Variants in ARMC2 observed in about 807,000 individuals in gnomAD.
ARMC2 encodes armadillo repeat-containing protein 2.
A neutral mutation model predicts 90.3 loss-of-function variants in ARMC2; 67 were observed. The observed-to-expected ratio is 0.74, with a 90% CI of 0.61 to 0.91. The LOEUF (loss-of-function observed/expected upper bound fraction) is 0.91. ARMC2 is among the 40% of genes least tolerant of loss of function. The probability of loss-of-function intolerance (pLI) is 0.00; values close to 1 mark genes in which losing one functional copy is unlikely to be tolerated. For synonymous variants in ARMC2, 393 were observed against 393.0 expected (o/e 1.00, Z 0.00); for missense variants, 920 against 1,030.9 (o/e 0.89, Z 1.47).
At chr6:108,903,682 C>T (rs1772382556) in intron 7 of ARMC2, among the ~76,000 whole-genome samples, 1 of 152,150 alleles carries the variant, frequency 6.6e-6, no homozygotes, top group Non-Finnish European at 1.5e-5. Flanking sequence ...TCATATAACA[C>T]AACACACACA....
chr6:108,922,254 C>T (rs1219102716), intron 10 of ARMC2, among the ~76,000 whole-genome samples: 14 of 151,996 alleles, frequency 9.2e-5, no homozygotes, highest in East Asian at 3.9e-4. Context: ...GATCCAAGTC[C>T]GGAGGGCCCC....
the ARMC2 span, chr6:108,986,841 T>C: frequency 6.6e-6 from 1 of 152,240 alleles, no homozygotes; most frequent in Non-Finnish European, 1.5e-5. Context: ...TTACACACTT[T>C]CATTTAGGAT....
At position 108,854,395 on chromosome 6, in the gene ARMC2, A is replaced by G; in HGVS notation, c.128A>G (p.Gln43Arg). 1 of 1,613,448 alleles carries G rather than the reference A, an allele frequency of 6.2e-7. No individual in the cohort carries two copies. The change falls in exon 2 of 18, where the codon CAA becomes CGA. Residue 43 changes from glutamine to arginine, a missense_variant. Coordinates refer to ENST00000392644, the MANE Select transcript of ARMC2 (RefSeq NM_032131.6). The part of the protein sequence containing the change: ...ARNALRTVRT[Q>R]RPFTPQEAQR... ...AATGCATTAAGAACAGTTAGAACCC[A>G]AAGACCATTTACACCACAGGAGGCT... is the stretch of plus-strand genomic sequence containing the variant.
intron 12 of ARMC2, among the ~76,000 whole-genome samples, chr6:108,937,734 A>G (rs1448954117): frequency 1.3e-5 from 2 of 152,104 alleles, no homozygotes; most frequent in Non-Finnish European, 2.9e-5. Flanking sequence ...TCACTCTGTC[A>G]CCCAGGCTGG....
the ARMC2 span, among the ~76,000 whole-genome samples, chr6:109,009,175 C>A: frequency 6.6e-6 from 1 of 152,218 alleles, no homozygotes; most frequent in African/African-American, 2.4e-5. Context: ...CCCCTTCCCC[C>A]GAGGGGCGCA....
chr6:108,970,358 A>G (rs1210816944), intron 17 of ARMC2, among the ~76,000 whole-genome samples: 1 of 152,072 alleles, frequency 6.6e-6, no homozygotes, highest in Non-Finnish European at 1.5e-5. Context: ...AAACCACTAA[A>G]TCTAACCAAA....
chr6:109,008,940 G>A, the ARMC2 span: 2 of 991,596 alleles, frequency 2.0e-6, no homozygotes, highest in East Asian at 2.2e-4. Context: ...TAAATAATCT[G>A]TTTTCACAAG....
intron 12 of ARMC2, among the ~76,000 whole-genome samples, chr6:108,948,188 C>T (rs1042919455): frequency 1.8e-4 from 27 of 152,114 alleles, no homozygotes; most frequent in Admixed American, 3.3e-4. Flanking sequence ...TCCTGCCCAA[C>T]GCAGACCTTG....
the ARMC2 span, among the ~76,000 whole-genome samples, chr6:109,051,160 C>CA: frequency 6.7e-6 from 1 of 148,478 alleles, no homozygotes; most frequent in Admixed American, 6.7e-5. Flanking sequence ...CAAAAAAAAA[C>CA]AACAAAAAAA....
At chr6:108,896,865 A>G (rs1180703706) in intron 6 of ARMC2, among the ~76,000 whole-genome samples, 1 of 152,226 alleles carries the variant, frequency 6.6e-6, no homozygotes. Flanking sequence ...GGTTTCTAGT[A>G]AATTTAAGTG....
chr6:108,888,904 T>C (rs1196283173), intron 5 of ARMC2, among the ~76,000 whole-genome samples: 1 of 152,130 alleles, frequency 6.6e-6, no homozygotes, highest in African/African-American at 2.4e-5. Context: ...CACCCCCAAA[T>C]CGCATCACTT....
At chr6:109,009,242 T>C in the ARMC2 span, 19 of 1,005,094 alleles carry the variant, frequency 1.9e-5, no homozygotes, top group African/African-American at 2.0e-4. Context: ...CGTTTTCGGA[T>C]GCTGACCGGG....
In ARMC2 at chr6:108,973,785, C is replaced by T; in HGVS notation, c.*271C>T. 1 of 280,148 alleles carries T rather than the reference C, an allele frequency of 3.6e-6. No individual in the cohort carries two copies. The highest frequency in any genetic ancestry group is 8.0e-5 in the South Asian group (1 of 12,556). 17.4% of individuals were successfully genotyped at this position (280,148 alleles called of 1,614,324 possible). A position where few individuals can be genotyped will look rare whatever the true frequency, so the allele number is the denominator to read the frequency against. ...AGTAAATGACTTTTTCTTCTATTCT[C>T]TATTAAACAATTTAGTTCTAGTCTT... On this transcript the variant is annotated 3_prime_UTR_variant, in exon 18 of 18. Transcript: ENST00000392644.
At chr6:108,886,356 G>T (rs1330471076) in intron 5 of ARMC2, among the ~76,000 whole-genome samples, 1 of 152,096 alleles carries the variant, frequency 6.6e-6, no homozygotes, top group Non-Finnish European at 1.5e-5. Context: ...TTGGGAGTTC[G>T]AGACCCGCTT....
chr6:108,856,651 G>C (rs975228822), intron 2 of ARMC2: 30 of 170,356 alleles, frequency 1.8e-4, no homozygotes, highest in African/African-American at 6.8e-4. Flanking sequence ...GTGCTAGGCT[G>C]ACCTGGATGA....
At chr6:108,879,409 A>C (rs1306524965) in intron 5 of ARMC2, among the ~76,000 whole-genome samples, 3 of 149,098 alleles carry the variant, frequency 2.0e-5, no homozygotes, top group African/African-American at 7.5e-5. Context: ...ATACCCATCT[A>C]CCCATTCATC....
intron 5 of ARMC2, among the ~76,000 whole-genome samples, chr6:108,889,011 C>A (rs950563993): frequency 1.3e-5 from 2 of 152,200 alleles, no homozygotes; most frequent in Admixed American, 6.5e-5. Context: ...TGGAAACCTT[C>A]TATGACTGTC....
At chr6:109,013,768 C>A in the ARMC2 span, among the ~76,000 whole-genome samples, 15,223 of 152,150 alleles carry the variant, frequency 0.1, 925 homozygotes, top group Middle Eastern at 0.19. Context: ...GTGGTTTAAG[C>A]ATTCTTGAAA....
chr6:108,864,418 T>G (rs1775595420), intron 3 of ARMC2, among the ~76,000 whole-genome samples: 2 of 151,982 alleles, frequency 1.3e-5, no homozygotes, highest in Non-Finnish European at 2.9e-5. Flanking sequence ...CCAGCTAATT[T>G]TTATATTTTT....
Sources: allele counts gnomAD v4.1 joint callset (sites outside exome capture counted in the v4.1 genomes callset), GRCh38; gene constraint gnomAD v4.1.1; transcripts MANE v1.5; gene names NCBI Gene and HGNC (gene_info 2026-07-23, HGNC 2026-07-21).